Variants in C2CD5 observed in about 807,000 individuals in gnomAD.
The protein encoded by C2CD5 is C2 domain-containing protein 5.
A neutral mutation model predicts 130.3 loss-of-function variants in C2CD5; 109 were observed. The ratio of observed to expected loss-of-function variants is 0.84; its 90% confidence interval spans 0.72 to 0.98. The LOEUF (loss-of-function observed/expected upper bound fraction) is 0.98, where lower values mean the gene tolerates loss of function less well. Ranked by LOEUF, C2CD5 falls within the 50% of genes least tolerant of loss-of-function variation. C2CD5 has a pLI of 0.00. For synonymous variants in C2CD5, 454 were observed against 429.2 expected (o/e 1.06, Z -0.71); for missense variants, 996 against 1,261.8 (o/e 0.79, Z 3.19).
intron 3 of C2CD5, 51 bp from the exon 4 acceptor site, chr12:22,527,943 A>G: frequency 8.8e-7 from 1 of 1,140,832 alleles, no homozygotes; most frequent in Non-Finnish European, 1.2e-6. Context: ...AATCTTAATT[A>G]CCACAAATGT....
At chr12:22,487,259 T>C (rs948120881) in intron 12 of C2CD5, among the ~76,000 whole-genome samples, 11 of 151,920 alleles carry the variant, frequency 7.2e-5, no homozygotes, top group Non-Finnish European at 1.3e-4. Flanking sequence ...ACCATCAGAG[T>C]GAACAGGCAA....
chr12:22,539,296 G>C (rs1484608261), intron 2 of C2CD5, among the ~76,000 whole-genome samples: 1 of 152,104 alleles, frequency 6.6e-6, no homozygotes, highest in Admixed American at 6.6e-5. Context: ...CCTCTTTCTA[G>C]AAACTTCCTC....
chr12:22,496,406 C>T (rs983506848), intron 10 of C2CD5, among the ~76,000 whole-genome samples: 32 of 152,048 alleles, frequency 2.1e-4, no homozygotes, highest in Non-Finnish European at 2.9e-5. Context: ...ACTATACTAA[C>T]ATAAATGCAA....
rs562145443 is a variant in C2CD5 at position 22,542,824 on chromosome 12, T to C, written c.90+1237A>G. ...ACATGGGACAATAACAATACTCCTA[T>C]AGCAGGACTGTTGTGAAAACTAAGA... On this transcript the variant is annotated intron_variant, in intron 2 of 26. Transcript: ENST00000446597. Among the ~76,000 whole-genome samples the C allele has an allele frequency of 2.6e-5, 4 of 152,330 alleles. No homozygotes were observed. The South Asian group carries it at 6.2e-4, about 24-fold the overall frequency.
intron 9 of C2CD5, among the ~76,000 whole-genome samples, chr12:22,508,620 A>AT (rs1425628912): frequency 1.3e-5 from 2 of 152,204 alleles, no homozygotes; most frequent in Non-Finnish European, 2.9e-5. Context: ...ATTACACAAT[A>AT]TAAGTATTAA....
chr12:22,528,496 G>A (rs1191638665), intron 3 of C2CD5, among the ~76,000 whole-genome samples: 1 of 152,140 alleles, frequency 6.6e-6, no homozygotes, highest in Admixed American at 6.5e-5. Flanking sequence ...ATTTCCTCAT[G>A]GAAGACGTAC....
At chr12:22,475,037 A>G (rs537577357) in intron 15 of C2CD5, 146 bp from the exon 16 acceptor site, 14 of 480,474 alleles carry the variant, frequency 2.9e-5, no homozygotes, top group African/African-American at 2.8e-4. Context: ...TAACCTTTAA[A>G]ACTAAACTTT....
chr12:22,530,092 A>ATG (rs1951090875), intron 3 of C2CD5, among the ~76,000 whole-genome samples: 1 of 109,512 alleles, frequency 9.1e-6, no homozygotes, highest in Non-Finnish European at 1.8e-5. Context: ...ATATATATAT[A>ATG]TATATATATA....
At chr12:22,516,870 G>A (rs965638603) in intron 8 of C2CD5, among the ~76,000 whole-genome samples, 3 of 151,470 alleles carry the variant, frequency 2.0e-5, no homozygotes, top group Admixed American at 6.6e-5. Context: ...CATAAACCTC[G>A]TAAGGTGCCA....
intron 14 of C2CD5, among the ~76,000 whole-genome samples, chr12:22,479,680 ATTTAT>A (rs1366409742): frequency 6.6e-6 from 1 of 152,132 alleles, no homozygotes; most frequent in Non-Finnish European, 1.5e-5. Flanking sequence ...TTAGATACAG[ATTTAT>A]TTTAAATATC....
intron 10 of C2CD5, among the ~76,000 whole-genome samples, chr12:22,503,968 C>T (rs1329624190): frequency 3.9e-5 from 6 of 152,110 alleles, no homozygotes; most frequent in Admixed American, 3.3e-4. Flanking sequence ...CCATTAATAA[C>T]TGAGAATTTC....
Position 22,524,527 on chromosome 12 carries a change from A to T in C2CD5, c.546T>A (p.Ile182=), listed in dbSNP as rs1184063372. 6.2e-7 allele frequency: 1 copy of T among 1,613,994 alleles called. No individual in the cohort carries two copies. The highest frequency in any genetic ancestry group is 1.7e-5 in the Admixed American group (1 of 60,010). Reference sequence around the variant, plus strand: ...CCTCATTTGATGCCCTTGGTGTGCGAATTCGATCAATCCACTGATATTCTG... The same window carrying T: ...CCTCATTTGATGCCCTTGGTGTGCGTATTCGATCAATCCACTGATATTCTG... The part of the protein sequence containing the change: ...EDPEYQWIDR[I]RTPRASNEAR... The change falls in exon 6 of 27, where the codon ATT becomes ATA. Residue 182 remains isoleucine, a synonymous_variant. Transcript: ENST00000446597.
intron 3 of C2CD5, among the ~76,000 whole-genome samples, chr12:22,532,688 C>T (rs1429459887): frequency 6.6e-6 from 1 of 152,204 alleles, no homozygotes; most frequent in African/African-American, 2.4e-5. Context: ...TTTCTTCCAT[C>T]TTCAGGTATC....
At chr12:22,536,085 G>A (rs58511219) in intron 2 of C2CD5, among the ~76,000 whole-genome samples, 23,768 of 151,438 alleles carry the variant, frequency 0.16, 3,748 homozygotes, top group African/African-American at 0.41. Flanking sequence ...CCATGCACTG[G>A]TAAGGAACAA....
At chr12:22,531,858 G>A (rs1170095090) in intron 3 of C2CD5, among the ~76,000 whole-genome samples, 1 of 152,088 alleles carries the variant, frequency 6.6e-6, no homozygotes, top group Non-Finnish European at 1.5e-5. Flanking sequence ...TATACAAACT[G>A]AGATTTAATT....
rs771733377 is a variant in C2CD5, at chr12:22,524,515, C to T, written c.558G>A (p.Arg186=). 2.4e-5 allele frequency: 38 copies of T among 1,613,790 alleles called. 1 individual carries two copies. In the South Asian group the frequency reaches 4.1e-4, roughly 17 times the overall value. The change falls in exon 6 of 27, where the codon AGG becomes AGA. Residue 186 remains arginine, a synonymous_variant. Coordinates refer to ENST00000446597, the MANE Select transcript of C2CD5 (RefSeq NM_001286176.2). ...GTCTCTGTCTGGCCTCATTTGATGC[C>T]CTTGGTGTGCGAATTCGATCAATCC... ...YQWIDRIRTP[R]ASNEARQRLI... is the part of the protein sequence containing the mutation.
chr12:22,494,112 T>C (rs1946700949), intron 10 of C2CD5, among the ~76,000 whole-genome samples: 1 of 152,076 alleles, frequency 6.6e-6, no homozygotes, highest in South Asian at 2.1e-4. Context: ...ACATATTTCC[T>C]AATCACTTGC....
intron 2 of C2CD5, among the ~76,000 whole-genome samples, chr12:22,537,400 G>A (rs1249237763): frequency 6.6e-6 from 1 of 152,056 alleles, no homozygotes; most frequent in Non-Finnish European, 1.5e-5. Flanking sequence ...TTTCAAACAA[G>A]AAAACAAATA....
chr12:22,478,313 T>C lies in C2CD5; in HGVS notation c.1902A>G (p.Pro634=), dbSNP rs1944175491. Residue 634 remains proline, a splice_region_variant and synonymous_variant, in exon 15 of 27, where the codon CCA becomes CCG. Coordinates refer to ENST00000446597, the MANE Select transcript of C2CD5 (RefSeq NM_001286176.2). ...KNKELYEINP[P]EISEEIIGSP... ...CACAATGTAGGTTTGTTTTACTTAC[T>C]GGAGGATTGATTTCATATAACTCTT... The C allele has an allele frequency of 6.2e-7, 1 of 1,607,438 alleles. No individual in the cohort carries two copies. The highest frequency in any genetic ancestry group is 1.7e-5 in the Admixed American group (1 of 59,974).
Sources: allele counts gnomAD v4.1 joint callset (sites outside exome capture counted in the v4.1 genomes callset), GRCh38; gene constraint gnomAD v4.1.1; transcripts MANE v1.5; gene names NCBI Gene and HGNC (gene_info 2026-07-23, HGNC 2026-07-21).